The following C2CD3 variants were observed in gnomAD, a reference collection of about 807,000 sequenced individuals.
C2CD3 encodes C2 domain containing 3 centriole elongation regulator.
Under a neutral mutation model 234.0 loss-of-function variants are expected in C2CD3, and 148 were observed. The ratio of observed to expected loss-of-function variants is 0.63; its 90% CI spans 0.55 to 0.72. The LOEUF is 0.72. C2CD3 is among the 30% of genes least tolerant of loss of function. The pLI, the probability that C2CD3 is intolerant of heterozygous loss-of-function variation, is 0.00. For synonymous variants in C2CD3, 1,000 were observed against 1,035.4 expected, an observed-to-expected ratio of 0.97 and a Z score of 0.66; for missense variants, 2,577 against 2,811.5, an observed-to-expected ratio of 0.92 and a Z score of 1.89.
intron 3 of C2CD3, among the ~76,000 whole-genome samples, chr11:74,153,882 C>A (rs185444097): frequency 6.6e-6 from 1 of 151,748 alleles, no homozygotes; most frequent in African/African-American, 2.4e-5. Flanking sequence ...AAATACAGAT[C>A]AATGAAACAG....
rs1326062105 is a variant in C2CD3 at position 74,170,952 on chromosome 11, G to A, written c.-160C>T. 18 of 1,483,322 alleles carry A rather than the reference G, an allele frequency of 1.2e-5. No individual in the cohort carries two copies. In the East Asian group the frequency reaches 4.2e-4, roughly 34 times the overall value. The allele number at this position is 1,483,322 out of a possible 1,614,324, so 91.9% of individuals were successfully genotyped here. ...GCGACTCTTCCTCTAACAGTCTCCG[G>A]AAAACGGTGCGAAGAGAAGGCGCCA... On this transcript the variant is annotated 5_prime_UTR_variant, in exon 1 of 33. Transcript: ENST00000334126.
chr11:74,119,588 T>C (rs552095353), intron 8 of C2CD3, among the ~76,000 whole-genome samples: 1 of 152,004 alleles, frequency 6.6e-6, no homozygotes, highest in Admixed American at 6.6e-5. Flanking sequence ...GGGGGACAAA[T>C]TAATTTAAAT....
rs117223505 is a variant in C2CD3 at position 74,018,386 on chromosome 11, C to T, written c.6922-4861G>A. On this transcript the variant is annotated intron_variant, in intron 32 of 32. Coordinates refer to ENST00000334126, the MANE Select transcript of C2CD3 (RefSeq NM_001286577.2). ...AGTGCTAGACCAGGCAAGTTCTCCC[C>T]GCCCCACTGTCTTCCCCCCTTCTTT... Among the ~76,000 whole-genome samples the T allele has an allele frequency of 7.2e-5, 11 of 152,268 alleles. No homozygotes were observed. The East Asian group carries it at 7.7e-4, about 11-fold the overall frequency.
intron 2 of C2CD3, among the ~76,000 whole-genome samples, chr11:74,163,463 C>T (rs1042034263): frequency 6.6e-6 from 1 of 152,194 alleles, no homozygotes; most frequent in Non-Finnish European, 1.5e-5. Flanking sequence ...CCATAATCCC[C>T]ATGTGTCATG....
chr11:74,069,094 G>A (rs1053184827), intron 24 of C2CD3, among the ~76,000 whole-genome samples: 3 of 152,192 alleles, frequency 2.0e-5, no homozygotes, highest in African/African-American at 4.8e-5. Flanking sequence ...CACTGCGTCC[G>A]GCCATCCTCC....
At chr11:74,160,484 C>A (rs1041158957) in intron 3 of C2CD3, among the ~76,000 whole-genome samples, 1 of 151,876 alleles carries the variant, frequency 6.6e-6, no homozygotes. Flanking sequence ...ATAAGCCAGG[C>A]ACAGAAGGAC....
intron 1 of C2CD3, 32 bp downstream of exon 1, chr11:74,170,706 C>T (rs141934907): frequency 6.2e-7 from 1 of 1,613,906 alleles, no homozygotes. Context: ...TCTCCTATTA[C>T]GCTTTCCTCA....
chr11:74,130,673 A>G (rs892455248), intron 7 of C2CD3, among the ~76,000 whole-genome samples: 2 of 152,186 alleles, frequency 1.3e-5, no homozygotes, highest in Non-Finnish European at 2.9e-5. Flanking sequence ...GTTTTTTTCT[A>G]AACTATCAAC....
intron 12 of C2CD3, among the ~76,000 whole-genome samples, chr11:74,107,396 T>C (rs1343341421): frequency 2.6e-5 from 4 of 152,046 alleles, no homozygotes; most frequent in African/African-American, 9.7e-5. Context: ...CAAATATGTA[T>C]ATGTTAAAAG....
chr11:74,128,906 G>A (rs140527834), intron 7 of C2CD3: 43,028 of 271,386 alleles, frequency 0.16, 4,088 homozygotes, highest in East Asian at 0.27. Flanking sequence ...AGAATTTTTC[G>A]TAGTACAGAA....
chr11:74,028,392 C>G lies in C2CD3; in HGVS notation c.6816G>C (p.Gly2272=), dbSNP rs1471165996. Residue 2272 remains glycine (G), a synonymous_variant, in exon 32 of 33, where the codon GGG becomes GGC. Transcript: ENST00000334126. ...AAAAGAAGTTGGGCACCACAATGGG[C>G]CCTGGGCTACAATGGTAGTTAAGGG... is the stretch of plus-strand genomic sequence containing the variant. The part of the protein sequence containing the change: ...TSTKQSLLLP[G]PIVVPNFFLP... 1 of 1,534,516 alleles carries G rather than the reference C, an allele frequency of 6.5e-7. No individual in the cohort carries two copies. Among genetic ancestry groups the G allele is most frequent in the African/African-American group, 1.4e-5 (1 of 72,964 alleles).
rs562372191 is a variant in C2CD3 at position 74,100,520 on chromosome 11, T to G, written c.2732+5A>C. 5.6e-6 allele frequency: 9 copies of G among 1,605,468 alleles called. No individual in the cohort carries two copies. Among genetic ancestry groups the G allele is most frequent in the Middle Eastern group, 3.3e-4 (2 of 6,000 alleles). On this transcript the variant is annotated splice_donor_5th_base_variant and intron_variant, in intron 15 of 32. Transcript: ENST00000334126. ...ATAAAGAATACTCCAAAAGGTCCTA[T>G]TTACTTGAATGACATGTAAAACTGG...
In C2CD3 at chr11:74,098,013, G is replaced by C. The variant is rs756620218; in HGVS notation, c.2975C>G (p.Ala992Gly). 3 of 1,613,654 alleles carry C rather than the reference G, an allele frequency of 1.9e-6. No individual in the cohort carries two copies. In the African/African-American group the frequency reaches 4.0e-5, roughly 22 times the overall value. Residue 992 changes from alanine (A) to glycine (G), a missense_variant, in exon 16 of 33, where the codon GCT becomes GGT. By Grantham distance (60) the Ala-to-Gly change is moderately conservative. Transcript: ENST00000334126. Reference protein sequence around the residue: ...FLDQPTAASVAMAEDRGNGLM... With the variant: ...FLDQPTAASVGMAEDRGNGLM... Reference sequence around the variant, plus strand: ...GTAAACCATAGCGTTTATTACCATAGCAACAGATGCTGCAGTTGGCTGGTC... The same window carrying C: ...GTAAACCATAGCGTTTATTACCATACCAACAGATGCTGCAGTTGGCTGGTC...
At chr11:74,054,068 C>G (rs1260509953) in intron 26 of C2CD3, among the ~76,000 whole-genome samples, 2 of 151,944 alleles carry the variant, frequency 1.3e-5, no homozygotes, top group Non-Finnish European at 2.9e-5. Context: ...GTCAGGAGAT[C>G]GAGACCACCC....
chr11:74,170,998 A>C lies in C2CD3; in HGVS notation c.-206T>G. ...CGCCAAGACGCCTTCCCTCCAATACACTACAATACCCAGGACGCTTTGCTA... is the reference window on the plus strand; with the variant it reads ...CGCCAAGACGCCTTCCCTCCAATACCCTACAATACCCAGGACGCTTTGCTA... On this transcript the variant is annotated 5_prime_UTR_variant, in exon 1 of 33. Transcript: ENST00000334126. 1 of 1,211,176 alleles carries C rather than the reference A, an allele frequency of 8.3e-7. No homozygotes were observed. Among genetic ancestry groups the C allele is most frequent in the Non-Finnish European group, 1.2e-6 (1 of 865,080 alleles). The allele number at this position is 1,211,176 out of a possible 1,614,324, so 75.0% of individuals were successfully genotyped here. A position where few individuals can be genotyped will look rare whatever the true frequency, so the allele number is the denominator to read the frequency against.
At chr11:74,016,657 T>A (rs1951890201) in intron 32 of C2CD3, 1 of 152,208 alleles carries the variant, frequency 6.6e-6, no homozygotes, top group Non-Finnish European at 1.5e-5. Flanking sequence ...TCTTGACTAG[T>A]AGTGAAGATT....
At chr11:74,086,087 G>A (rs1955630351) in intron 20 of C2CD3, among the ~76,000 whole-genome samples, 1 of 152,132 alleles carries the variant, frequency 6.6e-6, no homozygotes, top group Non-Finnish European at 1.5e-5. Context: ...TGGGAGTGGA[G>A]GGGATAACAT....
intron 22 of C2CD3, among the ~76,000 whole-genome samples, chr11:74,080,911 T>C (rs1414388454): frequency 5.9e-5 from 9 of 152,176 alleles, no homozygotes; most frequent in Admixed American, 5.9e-4. Flanking sequence ...AGTAACTTTC[T>C]TTAGATCACA....
intron 30 of C2CD3, 142 bp downstream of exon 30, chr11:74,037,336 T>TAA (rs370964056): frequency 2.0e-4 from 125 of 640,320 alleles, no homozygotes; most frequent in African/African-American, 4.9e-4. Context: ...GCAAGATGGT[T>TAA]AAAAAAAAAA....
Sources: allele counts gnomAD v4.1 joint callset (sites outside exome capture counted in the v4.1 genomes callset), GRCh38; gene constraint gnomAD v4.1.1; transcripts MANE v1.5; gene names NCBI Gene and HGNC (gene_info 2026-07-23, HGNC 2026-07-21).